Variants in ADNP observed in about 807,000 individuals in gnomAD.
ADNP encodes the protein activity-dependent neuroprotector homeobox protein.
A neutral mutation model predicts 84.9 loss-of-function variants in ADNP; 4 were observed. That is an observed-to-expected ratio of 0.05 (90% CI 0.02 to 0.11). The LOEUF is 0.11. Ranked by LOEUF, ADNP falls within the 10% of genes least tolerant of loss-of-function variation. The pLI is 1.00. For missense variants in ADNP, 1,132 were observed against 1,326.0 expected (o/e 0.85, Z 2.27); for synonymous variants, 554 against 468.1 (o/e 1.18, Z -2.37).
intron 5 of ADNP, among the ~76,000 whole-genome samples, chr20:50,900,128 A>G (rs1438534877): frequency 6.6e-6 from 1 of 152,188 alleles, no homozygotes; most frequent in Non-Finnish European, 1.5e-5. Context: ...CAGTCCCGCA[A>G]GTGCCCAATA....
chr20:50,893,602 G>C lies in ADNP; in HGVS notation c.1112C>G (p.Pro371Arg), dbSNP rs756841614. Residue 371 changes from proline to arginine, a missense_variant, in exon 6 of 6, where the codon CCA becomes CGA. Coordinates refer to ENST00000621696, the MANE Select transcript of ADNP (RefSeq NM_001282531.3). The surrounding 1 kb of genome is among the most constrained non-coding windows in gnomAD (Gnocchi z 4.4). ...QQSQSVKQLLPSGNGRSYGLG... is the reference protein window; with the variant it reads ...QQSQSVKQLLRSGNGRSYGLG... ...CCCATAAGACCTTCCGTTTCCACTT[G>C]GAAGTAACTGCTTTACAGACTGAGA... 1 of 1,614,126 alleles carries C rather than the reference G, an allele frequency of 6.2e-7. No individual in the cohort carries two copies. Among genetic ancestry groups the C allele is most frequent in the Admixed American group, 1.7e-5 (1 of 60,014 alleles).
At chr20:50,914,811 T>C (rs1218632163) in intron 2 of ADNP, among the ~76,000 whole-genome samples, 1 of 152,220 alleles carries the variant, frequency 6.6e-6, no homozygotes, top group Admixed American at 6.5e-5. Context: ...CATCCTAACT[T>C]GTTTCTCAAG....
In ADNP at chr20:50,893,751, C is replaced by G. The variant is rs140778449; in HGVS notation, c.963G>C (p.Met321Ile). The change falls in exon 6 of 6, where the codon ATG (methionine) becomes ATC (isoleucine). Residue 321 changes from methionine to isoleucine, a missense_variant. By Grantham distance (10) the Met-to-Ile change is conservative. This residue lies in a region of ADNP where 239 missense variants were observed against 213.2 expected (regional missense o/e 1.12). Coordinates refer to ENST00000621696, the MANE Select transcript of ADNP (RefSeq NM_001282531.3). This position sits in a 1 kb window ranked among gnomAD's most constrained non-coding sequence, Gnocchi z 4.4. Reference sequence around the variant, plus strand: ...TCTGCTGCAGATGAACACTGGACATCATGTTGACTCCTGTAGAATTTAAGT... The same window carrying G: ...TCTGCTGCAGATGAACACTGGACATGATGTTGACTCCTGTAGAATTTAAGT... ...KPNLNSTGVNMMSSVHLQQNN... is the reference protein window; with the variant it reads ...KPNLNSTGVNIMSSVHLQQNN... 1.1e-5 allele frequency: 17 copies of G among 1,613,996 alleles called. No individual in the cohort carries two copies. Among genetic ancestry groups the G allele is most frequent in the Non-Finnish European group, 1.4e-5 (17 of 1,180,040 alleles).
chr20:50,907,353 GC>G (rs1427429082), intron 2 of ADNP, among the ~76,000 whole-genome samples: 1 of 147,202 alleles, frequency 6.8e-6, no homozygotes, highest in Non-Finnish European at 1.5e-5. Flanking sequence ...TGCAACCTCT[GC>G]CTCCCAGGCT....
rs541069847 is a variant in ADNP at position 50,894,055 on chromosome 20, C to G, written c.659G>C (p.Ser220Thr). 1 of 1,614,244 alleles carries G rather than the reference C, an allele frequency of 6.2e-7. No individual in the cohort carries two copies. Among genetic ancestry groups the G allele is most frequent in the Non-Finnish European group, 8.5e-7 (1 of 1,180,044 alleles). ...GAAAAGGCATCGCTTGCAGTGAATA[C>G]TACTCTCTTCTCGGGCATTCGAGCC... ...PLGSNAREES[S>T]IHCKRCLFMP... is the part of the protein sequence containing the mutation. Residue 220 changes from serine to threonine, a missense_variant, in exon 6 of 6, where the codon AGT becomes ACT. Coordinates refer to ENST00000621696, the MANE Select transcript of ADNP (RefSeq NM_001282531.3).
intron 2 of ADNP, among the ~76,000 whole-genome samples, chr20:50,925,673 T>C (rs1984242670): frequency 6.6e-6 from 1 of 152,250 alleles, no homozygotes; most frequent in Admixed American, 6.5e-5. Flanking sequence ...TTCAGTTAAT[T>C]AGCATGGGGC....
intron 2 of ADNP, among the ~76,000 whole-genome samples, chr20:50,920,281 A>AAAAGAAAG (rs1555816096): frequency 1.1e-4 from 16 of 139,168 alleles, no homozygotes; most frequent in African/African-American, 4.6e-4. Flanking sequence ...AAAAAAAAAA[A>AAAAGAAAG]AAAGAAAGAA....
intron 1 of ADNP, among the ~76,000 whole-genome samples, chr20:50,930,130 A>G (rs1049541044): frequency 6.6e-6 from 1 of 151,588 alleles, no homozygotes; most frequent in South Asian, 2.1e-4. Flanking sequence ...TCATTACATT[A>G]AAAAAAAATC....
intron 4 of ADNP, among the ~76,000 whole-genome samples, chr20:50,903,566 A>G (rs1455457540): frequency 1.3e-5 from 2 of 152,158 alleles, no homozygotes; most frequent in Non-Finnish European, 2.9e-5. Context: ...TTCATCTGTG[A>G]AGTGGAGATA....
chr20:50,930,093 G>A (rs911656077), intron 1 of ADNP, among the ~76,000 whole-genome samples: 1 of 151,950 alleles, frequency 6.6e-6, no homozygotes, highest in Non-Finnish European at 1.5e-5. Flanking sequence ...AGGTGAATAC[G>A]AGTGTGTTCA....
chr20:50,898,466 G>C (rs1220706291), intron 5 of ADNP, among the ~76,000 whole-genome samples: 1 of 152,174 alleles, frequency 6.6e-6, no homozygotes, highest in Non-Finnish European at 1.5e-5. Context: ...GTCTGATAAA[G>C]GCCCTTCTTG....
At chr20:50,925,261 T>TACACACACACAC (rs1292426786) in intron 2 of ADNP, among the ~76,000 whole-genome samples, 2 of 82,606 alleles carry the variant, frequency 2.4e-5, no homozygotes, top group African/African-American at 1.8e-4. Context: ...TGTGACTTCC[T>TACACACACACAC]ATACACACAC....
chr20:50,896,289 C>CAT (rs903462792), intron 5 of ADNP, among the ~76,000 whole-genome samples: 1 of 151,878 alleles, frequency 6.6e-6, no homozygotes. Flanking sequence ...TTTCTATCTT[C>CAT]ATATGCCTAT....
chr20:50,892,317 G>A lies in ADNP; in HGVS notation c.2397C>T (p.Asp799=), dbSNP rs1980861224. The change falls in exon 6 of 6, where the codon GAC becomes GAT. Residue 799 remains aspartate (D), a synonymous_variant. Transcript: ENST00000621696. ...LAASLWLWKS[D]IASHFSNKRK... ...TTTTGTTACTAAAATGGGAAGCGAT[G>A]TCACTCTTCCATAACCATAAACTGG... 6.2e-7 allele frequency: 1 copy of A among 1,614,130 alleles called. No individual in the cohort carries two copies. The highest frequency in any genetic ancestry group is 2.2e-5 in the East Asian group (1 of 44,876).
chr20:50,927,783 A>C (rs1038953914), intron 2 of ADNP, among the ~76,000 whole-genome samples: 14 of 152,352 alleles, frequency 9.2e-5, no homozygotes, highest in African/African-American at 3.1e-4. Context: ...GTTTTCCTTT[A>C]AGGGAAAATG....
rs3834656 is a variant in ADNP at position 50,889,964 on chromosome 20, G to GA, written c.*1440dup. 170,374 of 396,760 alleles carry GA rather than the reference G, an allele frequency of 0.43. 41,320 individuals are homozygous for GA. The highest frequency in any genetic ancestry group is 0.84 in the African/African-American group (40,407 of 48,370). The allele number at this position is 396,760 out of a possible 1,614,324, so 24.6% of individuals were successfully genotyped here. A position where few individuals can be genotyped will look rare whatever the true frequency, so the allele number is the denominator to read the frequency against. On this transcript the variant is annotated 3_prime_UTR_variant, in exon 6 of 6. Transcript: ENST00000621696. ...AACGAACGTTTAACTTCATCTAGAA[G>GA]AAAAAACAAACAAAAAACCCATCAG...
Position 50,893,109 on chromosome 20 carries a change from G to A in ADNP, c.1605C>T (p.His535=). ...EKMAAHMRMV[H]IDEEMGPKTD... is the part of the protein sequence containing the mutation. ...TTTTAGGTCCCATCTCTTCATCAAT[G>A]TGAACCATCCGCATGTGTGCGGCCA... Residue 535 remains histidine (H), a synonymous_variant, in exon 6 of 6, where the codon CAC becomes CAT. Transcript: ENST00000621696. This position sits in a 1 kb window ranked among gnomAD's most constrained non-coding sequence, Gnocchi z 4.4. 1 of 1,614,242 alleles carries A rather than the reference G, an allele frequency of 6.2e-7. No homozygotes were observed. The highest frequency in any genetic ancestry group is 2.2e-5 in the East Asian group (1 of 44,894).
chr20:50,899,044 C>G (rs543400015), intron 5 of ADNP, among the ~76,000 whole-genome samples: 1 of 152,190 alleles, frequency 6.6e-6, no homozygotes, highest in African/African-American at 2.4e-5. Flanking sequence ...GTTTGAACTG[C>G]TTATATGTGG....
intron 2 of ADNP, among the ~76,000 whole-genome samples, chr20:50,918,862 T>C (rs1314075509): frequency 1.3e-5 from 2 of 152,210 alleles, no homozygotes; most frequent in East Asian, 3.8e-4. Context: ...GGAAGTTTTG[T>C]TTTCTCTCAT....
Sources: gnomAD v4.1 joint callset for allele counts (sites outside exome capture counted in the v4.1 genomes callset) on GRCh38, gnomAD v4.1.1 for gene constraint, gnomAD v4.1.1 regional missense constraint, Gnocchi (gnomAD v3.1) non-coding constraint, MANE v1.5 for transcripts, NCBI Gene and HGNC (gene_info 2026-07-23, HGNC 2026-07-21) for gene names.